Variants in RAB6A observed in about 807,000 individuals in gnomAD.
The protein encoded by RAB6A is ras-related protein Rab-6A.
RAB6A carries 8 observed loss-of-function variants against 32.3 expected under a neutral mutation model. The observed-to-expected ratio is 0.25, with a 90% CI of 0.15 to 0.45. The LOEUF (loss-of-function observed/expected upper bound fraction) is 0.45, where lower values mean the gene tolerates loss of function less well. RAB6A is among the 20% of genes least tolerant of loss of function. The pLI, the probability that RAB6A is intolerant of heterozygous loss-of-function variation, is 1.00. For synonymous variants in RAB6A, 73 were observed against 82.1 expected, an observed-to-expected ratio of 0.89 and a Z score of 0.60; for missense variants, 104 against 249.4, an observed-to-expected ratio of 0.42 and a Z score of 3.93.
At chr11:73,714,624 G>T (rs1040997907) in intron 5 of RAB6A, among the ~76,000 whole-genome samples, 17 of 150,274 alleles carry the variant, frequency 1.1e-4, no homozygotes, top group African/African-American at 3.9e-4. Context: ...ATCGCGCCAT[G>T]GCACTCCAAC....
chr11:73,708,064 T>A (rs1945878415), intron 5 of RAB6A, among the ~76,000 whole-genome samples: 1 of 152,244 alleles, frequency 6.6e-6, no homozygotes, highest in African/African-American at 2.4e-5. Context: ...CCCAAACTAT[T>A]AGAATGCAAG....
chr11:73,714,207 A>ATATATATATATAT (rs56359106), intron 5 of RAB6A, among the ~76,000 whole-genome samples: 348 of 70,878 alleles, frequency 4.9e-3, no homozygotes, highest in African/African-American at 7.1e-3. Flanking sequence ...AAAAAAAAAA[A>ATATATATATATAT]AAATATATAT....
chr11:73,756,135 G>A lies in RAB6A; in HGVS notation c.70+4431C>T, dbSNP rs114604337. ...TGGGAGGCTGAGGCCGGAGGATCTC[G>A]CCAGCTCAAAACTTTGAGACCAGCC... is the stretch of plus-strand genomic sequence containing the variant. On this transcript the variant is annotated intron_variant, in intron 1 of 7. Transcript: ENST00000336083. Among the ~76,000 whole-genome samples, 343 of 151,550 alleles carry A rather than the reference G, an allele frequency of 2.3e-3. 1 individual carries two copies. The highest frequency in any genetic ancestry group is 7.9e-3 in the African/African-American group (328 of 41,296).
At chr11:73,718,592 T>C (rs890951307) in intron 4 of RAB6A, 21 bp downstream of exon 4, 7 of 1,572,318 alleles carry the variant, frequency 4.5e-6, no homozygotes, top group Non-Finnish European at 6.1e-6. Context: ...AGATTAGAAA[T>C]GCATAATTCC....
chr11:73,737,862 T>C (rs571705601), intron 1 of RAB6A, among the ~76,000 whole-genome samples: 2 of 151,402 alleles, frequency 1.3e-5, no homozygotes, highest in South Asian at 2.1e-4. Context: ...CTGGGCGTGG[T>C]GGTGGGCGCC....
intron 3 of RAB6A, 114 bp downstream of exon 3, chr11:73,720,732 C>G (rs1946123441): frequency 1.2e-6 from 1 of 817,870 alleles, no homozygotes; most frequent in African/African-American, 1.7e-5. Flanking sequence ...CAACTGTAAA[C>G]TATCTTTGGT....
intron 1 of RAB6A, among the ~76,000 whole-genome samples, chr11:73,738,861 T>C (rs530296990): frequency 2.0e-5 from 3 of 151,884 alleles, no homozygotes; most frequent in African/African-American, 7.2e-5. Context: ...AGATGATTGC[T>C]TGAGCCTGGG....
At position 73,677,805 on chromosome 11, in the gene RAB6A, A is replaced by T; in HGVS notation, c.*93T>A. 6.3e-7 allele frequency: 1 copy of T among 1,596,548 alleles called. No homozygotes were observed. Among genetic ancestry groups the T allele is most frequent in the Non-Finnish European group, 8.6e-7 (1 of 1,165,888 alleles). ...TGCAATACGTTATTACTGAAGGGAA[A>T]AGGTTCAAGCCAATATTCACACTGC... On this transcript the variant is annotated 3_prime_UTR_variant, in exon 8 of 8. Coordinates refer to ENST00000336083, the MANE Select transcript of RAB6A (RefSeq NM_198896.2).
chr11:73,759,716 C>G (rs1458708703), intron 1 of RAB6A, among the ~76,000 whole-genome samples: 1 of 152,142 alleles, frequency 6.6e-6, no homozygotes, highest in African/African-American at 2.4e-5. Context: ...TCAGACGCTG[C>G]TTCATGTTGA....
chr11:73,718,869 T>C (rs111534370), intron 3 of RAB6A, 151 bp from the exon 4 acceptor site: 1 of 1,612,806 alleles, frequency 6.2e-7, no homozygotes, highest in South Asian at 1.1e-5. Context: ...TGACCCGCAG[T>C]ATCCCACAGC....
intron 1 of RAB6A, among the ~76,000 whole-genome samples, chr11:73,738,849 C>T (rs1946443730): frequency 6.6e-6 from 1 of 150,766 alleles, no homozygotes; most frequent in Admixed American, 6.6e-5. Flanking sequence ...GAGGCTGAGC[C>T]CAGATGATTG....
chr11:73,742,067 A>AGGTCAGAGGTTCACGACCAGCCT (rs1946505110), intron 1 of RAB6A, among the ~76,000 whole-genome samples: 1 of 152,142 alleles, frequency 6.6e-6, no homozygotes, highest in Non-Finnish European at 1.5e-5. Flanking sequence ...GGATTACTTG[A>AGGTCAGAGGTTCACGACCAGCCT]GGTCAGAGGT....
intron 6 of RAB6A, among the ~76,000 whole-genome samples, chr11:73,691,312 C>T (rs777856408): frequency 6.6e-6 from 1 of 152,144 alleles, no homozygotes; most frequent in African/African-American, 2.4e-5. Context: ...GGTCTGCCCT[C>T]GCCAGAGCAT....
chr11:73,710,543 C>A (rs1477391757), intron 5 of RAB6A, among the ~76,000 whole-genome samples: 1 of 151,692 alleles, frequency 6.6e-6, no homozygotes, highest in Non-Finnish European at 1.5e-5. Context: ...TCAAGACCAG[C>A]CTGGCCAACA....
intron 1 of RAB6A, among the ~76,000 whole-genome samples, chr11:73,731,684 TTATA>T (rs1157961323): frequency 0.022 from 315 of 14,296 alleles, no homozygotes; most frequent in African/African-American, 0.025. Flanking sequence ...TAGATAGATA[TTATA>T]TATATATATA....
chr11:73,679,724 TGG>T lies in RAB6A; in HGVS notation c.496-6_496-5del, dbSNP rs1473155671. The T allele has an allele frequency of 1.3e-6, 2 of 1,574,608 alleles. No individual in the cohort carries two copies. Among genetic ancestry groups the T allele is most frequent in the Admixed American group, 3.6e-5 (2 of 54,916 alleles). Reference sequence around the variant, plus strand: ...CTGCTGCTACACGTCGAAAGAGCTGTGGGAAAGAGAGAAAAGTGATAACTGAG... The same window carrying T: ...CTGCTGCTACACGTCGAAAGAGCTGTGAAAGAGAGAAAAGTGATAACTGAG... On this transcript the variant is annotated splice_polypyrimidine_tract_variant and splice_region_variant and intron_variant, in intron 6 of 7. Transcript: ENST00000336083.
chr11:73,739,488 A>G (rs752022797), intron 1 of RAB6A, among the ~76,000 whole-genome samples: 1 of 149,342 alleles, frequency 6.7e-6, no homozygotes, highest in Non-Finnish European at 1.5e-5. Flanking sequence ...TTTATTTTTT[A>G]TTTTTTTGAA....
chr11:73,713,929 G>A (rs1161391966), intron 5 of RAB6A, among the ~76,000 whole-genome samples: 3 of 151,880 alleles, frequency 2.0e-5, no homozygotes, highest in Non-Finnish European at 4.4e-5. Flanking sequence ...GTTGGCTCAT[G>A]CCTGCAATCC....
chr11:73,682,086 C>T (rs758669799), intron 6 of RAB6A, among the ~76,000 whole-genome samples: 2 of 152,160 alleles, frequency 1.3e-5, no homozygotes, highest in Non-Finnish European at 2.9e-5. Flanking sequence ...AAATTACCAT[C>T]ATGTCAAATC....
Sources: allele counts gnomAD v4.1 joint callset (sites outside exome capture counted in the v4.1 genomes callset), GRCh38; gene constraint gnomAD v4.1.1; transcripts MANE v1.5; gene names NCBI Gene and HGNC (gene_info 2026-07-23, HGNC 2026-07-21).